Variants in CDK14 observed in about 807,000 individuals in gnomAD.
The protein encoded by CDK14 is cyclin dependent kinase 14, also known as cyclin-dependent kinase 14.
A neutral mutation model predicts 60.7 loss-of-function variants in CDK14; 34 were observed. The observed-to-expected ratio is 0.56, with a 90% CI of 0.43 to 0.75. The LOEUF (loss-of-function observed/expected upper bound fraction) is 0.75, where lower values mean the gene tolerates loss of function less well. Ranked by LOEUF, CDK14 falls within the 30% of genes least tolerant of loss-of-function variation. The pLI, the probability that CDK14 is intolerant of heterozygous loss-of-function variation, is 0.00. For synonymous variants in CDK14, 197 were observed against 203.7 expected (o/e 0.97, Z 0.28); for missense variants, 482 against 564.1 (o/e 0.85, Z 1.47).
intron 5 of CDK14, among the ~76,000 whole-genome samples, chr7:90,835,382 C>T (rs1020240755): frequency 1.3e-5 from 2 of 151,908 alleles, no homozygotes; most frequent in African/African-American, 4.8e-5. Context: ...AATGTCCTAG[C>T]AGAAAGAGAG....
At chr7:90,736,344 G>GCTTTTTTTTTTTTTTTT (rs1563063351) in intron 3 of CDK14, among the ~76,000 whole-genome samples, 3 of 41,034 alleles carry the variant, frequency 7.3e-5, no homozygotes, top group African/African-American at 2.7e-4. Flanking sequence ...ACTTTATTAT[G>GCTTTTTTTTTTTTTTTT]TTTTTGTTTT....
At chr7:90,859,138 T>G (rs1288815655) in intron 5 of CDK14, among the ~76,000 whole-genome samples, 1 of 152,210 alleles carries the variant, frequency 6.6e-6, no homozygotes, top group Non-Finnish European at 1.5e-5. Flanking sequence ...CTACTTTTCT[T>G]GCCTGGGAAT....
chr7:91,025,332 G>A (rs1040669435), intron 10 of CDK14, among the ~76,000 whole-genome samples: 1 of 152,026 alleles, frequency 6.6e-6, no homozygotes, highest in East Asian at 1.9e-4. Flanking sequence ...TTCTGCCAAG[G>A]GATTGTCCAA....
intron 11 of CDK14, among the ~76,000 whole-genome samples, chr7:91,056,813 G>A (rs1200263079): frequency 2.6e-5 from 4 of 152,226 alleles, no homozygotes; most frequent in Admixed American, 1.3e-4. Flanking sequence ...TATCATTGTT[G>A]GACATTTGGG....
At chr7:90,938,989 C>T (rs7804174) in intron 8 of CDK14, among the ~76,000 whole-genome samples, 9,141 of 152,264 alleles carry the variant, frequency 0.06, 397 homozygotes, top group South Asian at 0.092. Context: ...AATCAGTCCA[C>T]ATGTACTAAA....
intron 4 of CDK14, among the ~76,000 whole-genome samples, chr7:90,758,791 C>T (rs905424271): frequency 1.3e-5 from 2 of 152,154 alleles, no homozygotes; most frequent in Non-Finnish European, 2.9e-5. Context: ...CACAGTGGCT[C>T]GTGCCTGCTA....
At chr7:90,941,474 C>T (rs1398581883) in intron 8 of CDK14, among the ~76,000 whole-genome samples, 1 of 152,120 alleles carries the variant, frequency 6.6e-6, no homozygotes, top group Non-Finnish European at 1.5e-5. Flanking sequence ...TTTTTAGAGA[C>T]AGGGTCCTGC....
chr7:91,044,956 A>G (rs1451236703), intron 10 of CDK14, among the ~76,000 whole-genome samples: 1 of 152,168 alleles, frequency 6.6e-6, no homozygotes, highest in East Asian at 1.9e-4. Context: ...AGCGTTCTCC[A>G]CACAATTGAG....
intron 6 of CDK14, among the ~76,000 whole-genome samples, chr7:90,865,325 T>C (rs768513796): frequency 1.9e-4 from 29 of 151,552 alleles, no homozygotes; most frequent in Non-Finnish European, 3.4e-4. Context: ...TTAGTCTATT[T>C]GGCAATTGCC....
At chr7:91,161,024 G>A (rs1801154362) in intron 14 of CDK14, among the ~76,000 whole-genome samples, 1 of 152,212 alleles carries the variant, frequency 6.6e-6, no homozygotes, top group African/African-American at 2.4e-5. Context: ...TAATTGGGAA[G>A]AGAAATGTGG....
chr7:91,057,580 G>A (rs1468701353), intron 11 of CDK14, among the ~76,000 whole-genome samples: 2 of 152,168 alleles, frequency 1.3e-5, no homozygotes, highest in East Asian at 1.9e-4. Context: ...ATTAATTTTT[G>A]TATAAGGTAT....
chr7:90,694,773 T>C (rs190475390), intron 2 of CDK14, among the ~76,000 whole-genome samples: 1 of 152,336 alleles, frequency 6.6e-6, no homozygotes, highest in East Asian at 1.9e-4. Context: ...ATTGAAAATA[T>C]TCAAATGAGA....
At position 91,135,131 on chromosome 7, in the gene CDK14, G is replaced by A. The variant is rs566745813; in HGVS notation, c.*28+16923G>A. Among the ~76,000 whole-genome samples, 9 of 151,406 alleles carry A rather than the reference G, an allele frequency of 5.9e-5. No homozygotes were observed. In the South Asian group the frequency reaches 6.2e-4, roughly 11 times the overall value. On this transcript the variant is annotated intron_variant, in intron 14 of 14. Transcript: ENST00000380050. ...TGCCTTTTGAATTGTTTATTTTCCC[G>A]TACTTTTCAATTTCCACCTTCACTT...
chr7:90,813,782 TA>T (rs1245312498), intron 5 of CDK14, among the ~76,000 whole-genome samples: 1 of 151,952 alleles, frequency 6.6e-6, no homozygotes, highest in African/African-American at 2.4e-5. Context: ...TAATGTAATA[TA>T]AATAATAGTT....
At chr7:91,108,959 G>GT (rs1220766636) in intron 12 of CDK14, among the ~76,000 whole-genome samples, 3 of 152,158 alleles carry the variant, frequency 2.0e-5, no homozygotes, top group Non-Finnish European at 4.4e-5. Flanking sequence ...ATGTGTTTGT[G>GT]TTGTTTAGGA....
rs550598991 is a variant in CDK14, at chr7:90,923,019, T to C, written c.826+5295T>C. ...ATTAACACAGCAGTATCATCCAAAT[T>C]CCAGAGTTTACATTAGGGTGACATT... On this transcript the variant is annotated intron_variant, in intron 8 of 14. Coordinates refer to ENST00000380050, the MANE Select transcript of CDK14 (RefSeq NM_001287135.2). Among the ~76,000 whole-genome samples the C allele has an allele frequency of 2.0e-5, 3 of 152,162 alleles. 1 individual carries two copies. Among genetic ancestry groups the C allele is most frequent in the African/African-American group, 7.2e-5 (3 of 41,510 alleles).
chr7:90,719,588 G>C (rs180809296), intron 2 of CDK14, among the ~76,000 whole-genome samples: 5 of 152,278 alleles, frequency 3.3e-5, no homozygotes, highest in Admixed American at 6.5e-5. Flanking sequence ...TCAGGTTTGA[G>C]TTTGCCAGCA....
chr7:90,721,089 G>A (rs1273466562), intron 2 of CDK14, among the ~76,000 whole-genome samples: 3 of 151,946 alleles, frequency 2.0e-5, no homozygotes, highest in Non-Finnish European at 2.9e-5. Flanking sequence ...TTTGTAATAC[G>A]TTGCTTAGGC....
chr7:91,010,902 A>G (rs1490348476), intron 10 of CDK14, among the ~76,000 whole-genome samples: 1 of 134,888 alleles, frequency 7.4e-6, no homozygotes, highest in Admixed American at 8.9e-5. Flanking sequence ...TATACTGGCT[A>G]GAACCTCCAG....
Sources: allele counts gnomAD v4.1 joint callset (sites outside exome capture counted in the v4.1 genomes callset), GRCh38; gene constraint gnomAD v4.1.1; transcripts MANE v1.5; gene names NCBI Gene and HGNC (gene_info 2026-07-23, HGNC 2026-07-21).